PARD3: variants seen among roughly 807,000 people sequenced by gnomAD.
The protein encoded by PARD3 is par-3 family cell polarity regulator.
A neutral mutation model predicts 155.4 loss-of-function variants in PARD3; 75 were observed. The observed-to-expected ratio is 0.48, with a 90% CI of 0.40 to 0.58. PARD3 has a LOEUF of 0.58. Ranked by LOEUF, PARD3 falls within the 20% of genes least tolerant of loss-of-function variation. The probability of loss-of-function intolerance (pLI) is 0.00; values close to 1 mark genes in which losing one functional copy is unlikely to be tolerated. For synonymous variants in PARD3, 576 were observed against 610.5 expected (o/e 0.94, Z 0.83); for missense variants, 1,642 against 1,721.7 (o/e 0.95, Z 0.82).
chr10:34,486,817 T>C (rs2804721), intron 3 of PARD3, among the ~76,000 whole-genome samples: 11,171 of 152,124 alleles, frequency 0.073, 573 homozygotes, highest in Middle Eastern at 0.11. Context: ...GGCTATGTCA[T>C]ACTATATACA....
At chr10:34,714,791 TGGAG>T (rs2094495257) in intron 1 of PARD3, among the ~76,000 whole-genome samples, 1 of 144,710 alleles carries the variant, frequency 6.9e-6, no homozygotes. Context: ...TTTTTTTTTT[TGGAG>T]ATGGAGTCTC....
intron 1 of PARD3, among the ~76,000 whole-genome samples, chr10:34,725,150 T>TGTGTGTGA (rs764850602): frequency 1.0e-5 from 1 of 98,246 alleles, no homozygotes; most frequent in African/African-American, 3.5e-5. Flanking sequence ...TGTGTGTGTG[T>TGTGTGTGA]GACAGAGAGA....
rs552542886 is a variant in PARD3, at chr10:34,485,285, C to G, written c.404-15022G>C. On this transcript the variant is annotated intron_variant, in intron 3 of 24. Transcript: ENST00000374788. Reference sequence around the variant, plus strand: ...CCTGGGAGGCAGAGGCGGCAGTGAGCCAAGATCATGCCACTGCACTCCAGC... The same window carrying G: ...CCTGGGAGGCAGAGGCGGCAGTGAGGCAAGATCATGCCACTGCACTCCAGC... Among the ~76,000 whole-genome samples the G allele has an allele frequency of 2.0e-5, 3 of 152,004 alleles. No individual in the cohort carries two copies. In the South Asian group the frequency reaches 6.2e-4, roughly 32 times the overall value.
At chr10:34,581,855 G>C (rs1358431229) in intron 2 of PARD3, among the ~76,000 whole-genome samples, 1 of 152,136 alleles carries the variant, frequency 6.6e-6, no homozygotes, top group Admixed American at 6.6e-5. Context: ...CGATATTATG[G>C]GCAATCCCTC....
At position 34,633,304 on chromosome 10, in the gene PARD3, A is replaced by T. The variant is rs188499244; in HGVS notation, c.222+63014T>A. Among the ~76,000 whole-genome samples the T allele has an allele frequency of 6.6e-5, 10 of 152,288 alleles. No homozygotes were observed. In the East Asian group the frequency reaches 1.9e-3, roughly 29 times the overall value. The stretch of plus-strand genomic sequence containing the variant: ...AAATCAAACCTATGCCTCCTATGTA[A>T]CCCAGGCTTTGTGCCCTTTGGTTAC... On this transcript the variant is annotated intron_variant, in intron 2 of 24. Transcript: ENST00000374788.
chr10:34,137,211 T>C (rs572615340), intron 22 of PARD3, among the ~76,000 whole-genome samples: 1 of 152,304 alleles, frequency 6.6e-6, no homozygotes, highest in East Asian at 1.9e-4. Context: ...TTCTAACCAA[T>C]GAGAAATGCA....
In PARD3 at chr10:34,686,004, G is replaced by A. The variant is rs191921432; in HGVS notation, c.222+10314C>T. Among the ~76,000 whole-genome samples, 113 of 152,248 alleles carry A rather than the reference G, an allele frequency of 7.4e-4. 1 individual carries two copies. In the East Asian group the frequency reaches 0.012, roughly 16 times the overall value. Reference sequence around the variant, plus strand: ...CCTGCAACTCATCCCATTTTTGCATGTAAAACACTGAACTCAAATTAATTT... The same window carrying A: ...CCTGCAACTCATCCCATTTTTGCATATAAAACACTGAACTCAAATTAATTT... On this transcript the variant is annotated intron_variant, in intron 2 of 24. Transcript: ENST00000374788.
At chr10:34,757,048 T>A (rs527586047) in intron 1 of PARD3, among the ~76,000 whole-genome samples, 2 of 152,280 alleles carry the variant, frequency 1.3e-5, no homozygotes, top group South Asian at 4.2e-4. Context: ...TGAGGAAAAA[T>A]TTCTCCTTGA....
At chr10:34,465,218 G>A (rs543671167) in intron 4 of PARD3, among the ~76,000 whole-genome samples, 1 of 152,170 alleles carries the variant, frequency 6.6e-6, no homozygotes, top group African/African-American at 2.4e-5. Flanking sequence ...TGAATCCGTG[G>A]ATGCAGAACC....
At chr10:34,522,691 C>T (rs1389859378) in intron 2 of PARD3, among the ~76,000 whole-genome samples, 1 of 152,180 alleles carries the variant, frequency 6.6e-6, no homozygotes, top group South Asian at 2.1e-4. Context: ...CTAGAAAATG[C>T]ATGTTCAACA....
At chr10:34,345,145 C>T in intron 15 of PARD3, 15 of 985,240 alleles carry the variant, frequency 1.5e-5, no homozygotes, top group Non-Finnish European at 1.8e-5. Context: ...AAGGAAATAG[C>T]CAAAAACAAA....
At chr10:34,140,294 T>C (rs1403152631) in intron 22 of PARD3, among the ~76,000 whole-genome samples, 1 of 152,192 alleles carries the variant, frequency 6.6e-6, no homozygotes, top group Non-Finnish European at 1.5e-5. Context: ...TTGTCTAAAT[T>C]TTAATGATGA....
intron 2 of PARD3, among the ~76,000 whole-genome samples, chr10:34,573,730 AACAAAAACACACACACAC>A (rs1403599717): frequency 0.011 from 388 of 36,332 alleles, 3 homozygotes; most frequent in African/African-American, 0.053. Context: ...CAAACAAACA[AACAAAAACACACACACAC>A]ACACACACAC....
chr10:34,303,162 A>ATTTTTTTTTTGTTTTT (rs1957234997), intron 20 of PARD3, among the ~76,000 whole-genome samples: 1 of 132,002 alleles, frequency 7.6e-6, no homozygotes, highest in African/African-American at 3.0e-5. Flanking sequence ...GCCCAGGTGA[A>ATTTTTTTTTTGTTTTT]TTTTTTTTTT....
At chr10:34,228,059 T>C (rs1952716364) in intron 22 of PARD3, among the ~76,000 whole-genome samples, 1 of 151,414 alleles carries the variant, frequency 6.6e-6, no homozygotes, top group Non-Finnish European at 1.5e-5. Flanking sequence ...GTGGCACATA[T>C]ACACCATGCA....
intron 14 of PARD3, among the ~76,000 whole-genome samples, chr10:34,357,563 T>C (rs906290654): frequency 1.3e-5 from 2 of 152,164 alleles, no homozygotes; most frequent in Non-Finnish European, 1.5e-5. Flanking sequence ...AGTTAAAAGA[T>C]CAGCTAATGA....
Position 34,131,580 on chromosome 10 carries a change from G to A in PARD3, c.3423C>T (p.Asn1141=). 1.2e-6 allele frequency: 2 copies of A among 1,613,610 alleles called. No homozygotes were observed. Among genetic ancestry groups the A allele is most frequent in the Non-Finnish European group, 1.7e-6 (2 of 1,179,642 alleles). Residue 1141 remains asparagine (N), a synonymous_variant, in exon 23 of 25, where the codon AAC becomes AAT. Coordinates refer to ENST00000374788, the MANE Select transcript of PARD3 (RefSeq NM_001184785.2). ...GATCATGATTGCTAGGAGTTGATCT[G>A]TTACTGAAAGAGAGATGAGGCAGCA... The part of the protein sequence containing the change: ...RNSKPSPVDS[N]RSTPSNHDRI...
intron 2 of PARD3, among the ~76,000 whole-genome samples, chr10:34,666,945 G>A (rs1204439469): frequency 6.6e-6 from 1 of 151,804 alleles, no homozygotes; most frequent in Non-Finnish European, 1.5e-5. Context: ...AGGGCGGGTG[G>A]ATCACCTGAG....
rs1564608800 is a variant in PARD3 at position 34,776,833 on chromosome 10, T to TTTTGGG, written c.120+38042_120+38043insCCCAAA. 2.5e-3 allele frequency among the ~76,000 whole-genome samples: 25 copies of TTTTGGG among 9,910 alleles called. 4 individuals carry two copies. The highest frequency in any genetic ancestry group is 6.6e-3 in the African/African-American group (23 of 3,484). 6.5% of individuals were successfully genotyped at this position (9,910 alleles called of 152,430 possible). A position where few individuals can be genotyped will look rare whatever the true frequency, so the allele number is the denominator to read the frequency against. ...CCAAGTATTTTCAGTCGTGTTTTTT[T>TTTTGGG]GTGGGGGGGGGGGGCGGGTGGGGGA... On this transcript the variant is annotated intron_variant, in intron 1 of 24. Transcript: ENST00000374788.
Sources: gnomAD v4.1 joint callset for allele counts (sites outside exome capture counted in the v4.1 genomes callset) on GRCh38, gnomAD v4.1.1 for gene constraint, MANE v1.5 for transcripts, NCBI Gene and HGNC (gene_info 2026-07-23, HGNC 2026-07-21) for gene names.